Variants in STPG2 observed in about 807,000 individuals in gnomAD.
STPG2 encodes sperm tail PG-rich repeat containing 2.
STPG2 carries 56 observed loss-of-function variants against 54.2 expected under a neutral mutation model. That is an observed-to-expected ratio of 1.03 (90% CI 0.83 to 1.29). The LOEUF (loss-of-function observed/expected upper bound fraction) is 1.29. Among genes scored for constraint, STPG2 ranks in the 50% most tolerant of loss-of-function variants. STPG2 has a pLI of 0.00. For missense variants in STPG2, 596 were observed against 544.9 expected, an observed-to-expected ratio of 1.09 and a Z score of -0.93; for synonymous variants, 200 against 181.8, an observed-to-expected ratio of 1.10 and a Z score of -0.81.
intron 4 of STPG2, among the ~76,000 whole-genome samples, chr4:97,534,545 A>G (rs62315846): frequency 0.088 from 13,386 of 151,938 alleles, 832 homozygotes; most frequent in South Asian, 0.2. Flanking sequence ...TTTTTTTCCC[A>G]TGGAATTTCC....
intron 9 of STPG2, among the ~76,000 whole-genome samples, chr4:97,726,813 T>TACACAC (rs746408517): frequency 1.9e-3 from 273 of 141,462 alleles, no homozygotes; most frequent in African/African-American, 8.1e-3. Flanking sequence ...AATACAAACA[T>TACACAC]ACACACACAC....
chr4:97,745,266 A>AC (rs56017851), intron 9 of STPG2, among the ~76,000 whole-genome samples: 1 of 148,534 alleles, frequency 6.7e-6, no homozygotes, highest in South Asian at 2.1e-4. Flanking sequence ...AAAAAAACAA[A>AC]AAAAAAAACA....
chr4:97,793,072 G>A (rs529914041), intron 9 of STPG2, among the ~76,000 whole-genome samples: 104 of 151,954 alleles, frequency 6.8e-4, no homozygotes, highest in Non-Finnish European at 1.1e-3. Flanking sequence ...GAGAATCACT[G>A]GAACCTGGGA....
At chr4:97,881,149 A>G (rs1211300900) in intron 8 of STPG2, among the ~76,000 whole-genome samples, 1 of 152,066 alleles carries the variant, frequency 6.6e-6, no homozygotes, top group African/African-American at 2.4e-5. Context: ...AAGAGTGCAA[A>G]GTGAATAAAA....
chr4:97,840,722 G>C, intron 9 of STPG2, 51 bp downstream of exon 9: 2 of 1,551,260 alleles, frequency 1.3e-6, no homozygotes, highest in Non-Finnish European at 1.7e-6. Context: ...TTTTAATATG[G>C]AAACCTTAGA....
chr4:97,784,031 A>G (rs1726742601), intron 9 of STPG2, among the ~76,000 whole-genome samples: 1 of 151,710 alleles, frequency 6.6e-6, no homozygotes, highest in Non-Finnish European at 1.5e-5. Flanking sequence ...ACAAACCTGC[A>G]CGTTGTACAC....
chr4:97,947,913 C>A (rs1733301113), intron 7 of STPG2, among the ~76,000 whole-genome samples: 2 of 152,064 alleles, frequency 1.3e-5, no homozygotes, highest in African/African-American at 2.4e-5. Flanking sequence ...GTAACACTGG[C>A]TTAACAGAAT....
intron 5 of STPG2, among the ~76,000 whole-genome samples, chr4:98,014,135 C>T (rs1735848669): frequency 2.0e-5 from 3 of 152,124 alleles, no homozygotes; most frequent in Admixed American, 2.0e-4. Context: ...CTTAATACTG[C>T]TTTAGCTGTG....
chr4:97,739,101 T>G (rs1317032397), intron 9 of STPG2, among the ~76,000 whole-genome samples: 3 of 151,928 alleles, frequency 2.0e-5, no homozygotes, highest in African/African-American at 7.3e-5. Flanking sequence ...AACAACCTGC[T>G]CCTGAATGAC....
chr4:97,864,100 C>A (rs1267475661), intron 8 of STPG2, among the ~76,000 whole-genome samples: 2 of 152,048 alleles, frequency 1.3e-5, no homozygotes, highest in Non-Finnish European at 2.9e-5. Flanking sequence ...CTGGCCAGGG[C>A]AATCAGGCAG....
At chr4:97,988,013 T>C (rs556419051) in intron 5 of STPG2, among the ~76,000 whole-genome samples, 243 of 146,132 alleles carry the variant, frequency 1.7e-3, no homozygotes, top group Non-Finnish European at 3.0e-3. Flanking sequence ...AAATCCTTAA[T>C]ATGGTCTGAA....
At chr4:97,638,418 C>A (rs1359190003) in intron 10 of STPG2, among the ~76,000 whole-genome samples, 1 of 152,120 alleles carries the variant, frequency 6.6e-6, no homozygotes, top group South Asian at 2.1e-4. Context: ...CATTACCATT[C>A]AGGACATAGG....
At chr4:97,514,107 G>A (rs1578355091) in intron 4 of STPG2, among the ~76,000 whole-genome samples, 1 of 152,140 alleles carries the variant, frequency 6.6e-6, no homozygotes. Flanking sequence ...AGCTTGGAAG[G>A]TAAACAGATA....
chr4:97,486,804 G>GGTGTGT (rs546341277), intron 4 of STPG2, among the ~76,000 whole-genome samples: 55 of 130,894 alleles, frequency 4.2e-4, no homozygotes, highest in African/African-American at 1.5e-3. Context: ...AAGAAACTGT[G>GGTGTGT]GTGTGTGTGT....
intron 5 of STPG2, among the ~76,000 whole-genome samples, chr4:98,074,458 G>A (rs1738096974): frequency 7.0e-6 from 1 of 143,742 alleles, no homozygotes; most frequent in African/African-American, 2.6e-5. Context: ...TGAATCTAAA[G>A]GTTGATGTCT....
intron 9 of STPG2, among the ~76,000 whole-genome samples, chr4:97,762,625 A>G (rs943021076): frequency 1.3e-5 from 2 of 152,154 alleles, no homozygotes; most frequent in African/African-American, 4.8e-5. Flanking sequence ...TACAACAGCA[A>G]TGGAAAAGAA....
chr4:98,051,217 T>C lies in STPG2; in HGVS notation c.612+54736A>G, dbSNP rs17027170. Among the ~76,000 whole-genome samples, 211 of 152,242 alleles carry C rather than the reference T, an allele frequency of 1.4e-3. 4 individuals carry two copies. In the East Asian group the frequency reaches 0.04, roughly 29 times the overall value. On this transcript the variant is annotated intron_variant, in intron 5 of 10. Transcript: ENST00000295268. ...TCTGCCAAAGTTAAAATTAATTCTATCAAAGTTAAAGATGATCCTAACAAA... is the reference window on the plus strand; with the variant it reads ...TCTGCCAAAGTTAAAATTAATTCTACCAAAGTTAAAGATGATCCTAACAAA...
At chr4:97,486,829 G>GTGTGTGTGTGTATA (rs1490371230) in intron 4 of STPG2, among the ~76,000 whole-genome samples, 1 of 90,204 alleles carries the variant, frequency 1.1e-5, no homozygotes, top group Admixed American at 1.1e-4. Flanking sequence ...GTGTGTGTGT[G>GTGTGTGTGTGTATA]TATATATATA....
intron 10 of STPG2, among the ~76,000 whole-genome samples, chr4:97,688,757 T>G (rs985793565): frequency 1.3e-5 from 2 of 152,142 alleles, no homozygotes; most frequent in Non-Finnish European, 2.9e-5. Context: ...AGTAAGAATC[T>G]TATAGAATAA....
Sources: gnomAD v4.1 joint callset for allele counts (sites outside exome capture counted in the v4.1 genomes callset) on GRCh38, gnomAD v4.1.1 for gene constraint, MANE v1.5 for transcripts, NCBI Gene and HGNC (gene_info 2026-07-23, HGNC 2026-07-21) for gene names.